Variants in HDAC4 observed in about 807,000 individuals in gnomAD.
The protein encoded by HDAC4 is histone deacetylase A.
A neutral mutation model predicts 135.1 loss-of-function variants in HDAC4; 16 were observed. The ratio of observed to expected loss-of-function variants is 0.12; its 90% CI spans 0.08 to 0.18. HDAC4 has a LOEUF of 0.18. Among genes scored for constraint, HDAC4 ranks in the 10% least tolerant of loss-of-function variants. The probability of loss-of-function intolerance (pLI) is 1.00; values close to 1 mark genes in which losing one functional copy is unlikely to be tolerated. For missense variants in HDAC4, 1,143 were observed against 1,511.8 expected (o/e 0.76, Z 4.05); for synonymous variants, 685 against 653.4 (o/e 1.05, Z -0.74).
chr2:239,283,087 T>C (rs1166653261), intron 2 of HDAC4, among the ~76,000 whole-genome samples: 1 of 152,238 alleles, frequency 6.6e-6, no homozygotes, highest in Admixed American at 6.5e-5. Context: ...GTTCCAGGAT[T>C]CGCTCGCCCA....
intron 3 of HDAC4, among the ~76,000 whole-genome samples, chr2:239,209,381 A>C (rs2046241855): frequency 6.6e-6 from 1 of 152,238 alleles, no homozygotes; most frequent in Non-Finnish European, 1.5e-5. Flanking sequence ...GGTCCCAAAG[A>C]GGGTAGATGC....
In HDAC4 at chr2:239,049,582, G is replaced by A. The variant is rs1307847166; in HGVS notation, c.*3515C>T. The stretch of plus-strand genomic sequence containing the variant: ...TGGCTGTGACCAGTAAAGAAGGAAT[G>A]TTCTGATCAAAAAGAAAAACAACAA... On this transcript the variant is annotated 3_prime_UTR_variant, in exon 27 of 27. Transcript: ENST00000543185. The A allele has an allele frequency of 5.2e-5, 8 of 152,524 alleles. No homozygotes were observed. Among genetic ancestry groups the A allele is most frequent in the Admixed American group, 5.2e-4 (8 of 15,268 alleles). The allele number at this position is 152,524 out of a possible 1,614,324, so 9.4% of individuals were successfully genotyped here. A position where few individuals can be genotyped will look rare whatever the true frequency, so the allele number is the denominator to read the frequency against.
intron 3 of HDAC4, among the ~76,000 whole-genome samples, chr2:239,209,556 C>T (rs1267872612): frequency 1.3e-5 from 2 of 152,164 alleles, no homozygotes; most frequent in East Asian, 3.8e-4. Context: ...ATGTGAAAGA[C>T]AAAATGTTGA....
At chr2:239,135,564 G>A (rs1189903783) in intron 9 of HDAC4, among the ~76,000 whole-genome samples, 1 of 152,240 alleles carries the variant, frequency 6.6e-6, no homozygotes, top group African/African-American at 2.4e-5. Context: ...TCACAAATCA[G>A]TTAGTGGCAC....
chr2:239,318,679 C>G (rs1256396914), intron 2 of HDAC4, among the ~76,000 whole-genome samples: 2 of 119,208 alleles, frequency 1.7e-5, no homozygotes. Flanking sequence ...AACTTTCAAA[C>G]GATTCTGAAA....
chr2:239,053,428 G>T, intron 26 of HDAC4, 32 bp downstream of exon 26: 1 of 1,607,476 alleles, frequency 6.2e-7, no homozygotes, highest in South Asian at 1.1e-5. Flanking sequence ...GGCTGGGTGA[G>T]CCTGCAGGCG....
Position 239,303,146 on chromosome 2 carries a change from C to G in HDAC4, c.22+49532G>C, listed in dbSNP as rs2052368768. Among the ~76,000 whole-genome samples, 1 of 152,216 alleles carries G rather than the reference C, an allele frequency of 6.6e-6. No homozygotes were observed. The highest frequency in any genetic ancestry group is 2.4e-5 in the African/African-American group (1 of 41,454). ...TTCAAAGTGGCAACAGAGCCTGACT[C>G]CAGCCTCAGGGCGTGAGGCACCTGG... is the stretch of plus-strand genomic sequence containing the variant. On this transcript the variant is annotated intron_variant, in intron 2 of 26. Transcript: ENST00000543185. The surrounding 1 kb of genome is among the most constrained non-coding windows in gnomAD (Gnocchi z 5.1).
In HDAC4 at chr2:239,313,559, G is replaced by A. The variant is rs1042882500; in HGVS notation, c.22+39119C>T. On this transcript the variant is annotated intron_variant, in intron 2 of 26. Transcript: ENST00000543185. The surrounding 1 kb of genome is among the most constrained non-coding windows in gnomAD (Gnocchi z 5.1). ...TCATCCCAGTTTTCCATGGCACTTC[G>A]CAAACACAGCTGGTCAGGCCCTTAG... is the stretch of plus-strand genomic sequence containing the variant. Among the ~76,000 whole-genome samples, 14 of 152,000 alleles carry A rather than the reference G, an allele frequency of 9.2e-5. No individual in the cohort carries two copies. The highest frequency in any genetic ancestry group is 2.6e-4 in the Admixed American group (4 of 15,272).
In HDAC4 at chr2:239,331,608, C is replaced by T. The variant is rs566998855; in HGVS notation, c.22+21070G>A. On this transcript the variant is annotated intron_variant, in intron 2 of 26. Coordinates refer to ENST00000543185, the MANE Select transcript of HDAC4 (RefSeq NM_001378414.1). The surrounding 1 kb of genome is among the most constrained non-coding windows in gnomAD (Gnocchi z 4.5). ...AGGAAGCACACACGGGCCAGGTGAG[C>T]GAACTGCAATGACACGTCGCCAGGG... Among the ~76,000 whole-genome samples, 3 of 152,240 alleles carry T rather than the reference C, an allele frequency of 2.0e-5. No individual in the cohort carries two copies. The highest frequency in any genetic ancestry group is 4.2e-4 in the South Asian group (2 of 4,808).
intron 13 of HDAC4, among the ~76,000 whole-genome samples, chr2:239,113,272 T>A (rs1008281049): frequency 6.6e-6 from 1 of 151,758 alleles, no homozygotes; most frequent in African/African-American, 2.4e-5. Flanking sequence ...ACAAAAGGAA[T>A]CAGAGCCAGG....
rs780401902 is a variant in HDAC4 at position 239,115,073 on chromosome 2, G to C, written c.1771C>G (p.Gln591Glu). 14 of 1,611,014 alleles carry C rather than the reference G, an allele frequency of 8.7e-6. No individual in the cohort carries two copies. The Admixed American group carries it at 2.2e-4, about 25-fold the overall frequency. The change falls in exon 13 of 27, where the codon CAG (glutamine) becomes GAG (glutamate). Residue 591 changes from glutamine (Q) to glutamate (E), a missense_variant. Gln to Glu is a conservative substitution (Grantham distance 29). Transcript: ENST00000543185. The surrounding 1 kb of genome is among the most constrained non-coding windows in gnomAD (Gnocchi z 6.3). Reference sequence around the variant, plus strand: ...GTCACCTGTCTGAAGAGCAGCTCCTGCTCACTGGGCTGGCGCTGGCCCGGC... The same window carrying C: ...GTCACCTGTCTGAAGAGCAGCTCCTCCTCACTGGGCTGGCGCTGGCCCGGC... ...VEPGQRQPSE[Q>E]ELLFRQQALL...
chr2:239,084,711 G>A (rs2035729167), intron 19 of HDAC4, among the ~76,000 whole-genome samples: 2 of 101,722 alleles, frequency 2.0e-5, no homozygotes, highest in Admixed American at 1.2e-4. Context: ...CATGCAACAC[G>A]CCCTACACAC....
At chr2:239,078,691 G>T (rs2035008309) in intron 22 of HDAC4, among the ~76,000 whole-genome samples, 1 of 152,208 alleles carries the variant, frequency 6.6e-6, no homozygotes, top group Admixed American at 6.5e-5. Flanking sequence ...GGCTGGCTGG[G>T]CCGGCCGGGG....
chr2:239,227,415 G>C (rs1220780523), intron 3 of HDAC4, among the ~76,000 whole-genome samples: 1 of 152,184 alleles, frequency 6.6e-6, no homozygotes, highest in African/African-American at 2.4e-5. Flanking sequence ...TAAGCAGCCT[G>C]CTGGACACCA....
At chr2:239,288,235 A>G (rs954902644) in intron 2 of HDAC4, among the ~76,000 whole-genome samples, 2 of 152,230 alleles carry the variant, frequency 1.3e-5, no homozygotes, top group African/African-American at 4.8e-5. Flanking sequence ...TAGAACAGAA[A>G]ACTATACGAT....
Position 239,102,423 on chromosome 2 carries a change from T to A in HDAC4, c.2233+353A>T, listed in dbSNP as rs567059332. Among the ~76,000 whole-genome samples, 3 of 152,338 alleles carry A rather than the reference T, an allele frequency of 2.0e-5. No homozygotes were observed. The East Asian group carries it at 5.8e-4, about 29-fold the overall frequency. On this transcript the variant is annotated intron_variant, in intron 16 of 26. Transcript: ENST00000543185. ...TCCCTAGGCCTCCTCCTGGTCTTGC[T>A]CTGATGGGCCTTAAAGCGGAGCTCA...
At chr2:239,209,241 T>A (rs1392505117) in intron 3 of HDAC4, among the ~76,000 whole-genome samples, 1 of 152,216 alleles carries the variant, frequency 6.6e-6, no homozygotes, top group Non-Finnish European at 1.5e-5. Flanking sequence ...TATTCAAGGA[T>A]AGGAAGACTT....
At chr2:239,065,979 C>A (rs889565947) in intron 24 of HDAC4, among the ~76,000 whole-genome samples, 5 of 152,246 alleles carry the variant, frequency 3.3e-5, no homozygotes, top group African/African-American at 1.2e-4. Flanking sequence ...GTGTCACACA[C>A]TTCAGACACT....
chr2:239,329,903 C>T (rs1249474729), intron 2 of HDAC4, among the ~76,000 whole-genome samples: 8 of 151,878 alleles, frequency 5.3e-5, no homozygotes, highest in Admixed American at 3.9e-4. Flanking sequence ...GAGGCGGCCA[C>T]GGGTGTCTGT....
Sources: allele counts gnomAD v4.1 joint callset (sites outside exome capture counted in the v4.1 genomes callset), GRCh38; gene constraint gnomAD v4.1.1; non-coding constraint Gnocchi (gnomAD v3.1); transcripts MANE v1.5; gene names NCBI Gene and HGNC (gene_info 2026-07-23, HGNC 2026-07-21).